The following PCDHA3 variants were observed in gnomAD, a reference collection of about 807,000 sequenced individuals.
The protein encoded by PCDHA3 is protocadherin alpha 3.
Under a neutral mutation model 62.2 loss-of-function variants are expected in PCDHA3, and 41 were observed. That is an observed-to-expected ratio of 0.66 (90% CI 0.51 to 0.86). The LOEUF (loss-of-function observed/expected upper bound fraction) is 0.86. Ranked by LOEUF, PCDHA3 falls within the 40% of genes least tolerant of loss-of-function variation. The pLI is 0.00. For missense variants in PCDHA3, 1,304 were observed against 1,241.2 expected (o/e 1.05, Z -0.76); for synonymous variants, 640 against 555.4 (o/e 1.15, Z -2.14).
chr5:140,856,342 C>T (rs1286159283), intron 1 of PCDHA3: 3 of 1,598,498 alleles, frequency 1.9e-6, no homozygotes, highest in Non-Finnish European at 2.6e-6. Context: ...GCGGGCGGAG[C>T]GTGGAGTGCA....
chr5:140,824,615 T>TTTTTTG (rs1554129953), intron 1 of PCDHA3: 19 of 126,072 alleles, frequency 1.5e-4, no homozygotes, highest in African/African-American at 6.6e-4. Context: ...TTAAAGTTTT[T>TTTTTTG]TTTTTTTTTT....
chr5:140,812,603 G>T (rs1554126021), intron 1 of PCDHA3: 2 of 151,592 alleles, frequency 1.3e-5, no homozygotes, highest in African/African-American at 4.9e-5. Context: ...TTTAGTGTAG[G>T]CATTTACAAC....
intron 1 of PCDHA3, chr5:140,828,044 C>A (rs2150150318): frequency 6.5e-7 from 1 of 1,542,076 alleles, no homozygotes; most frequent in Admixed American, 2.1e-5. Flanking sequence ...AGTATTTTAT[C>A]TTTATGCGGA....
chr5:140,829,793 C>A (rs1369213842), intron 1 of PCDHA3: 2 of 1,613,818 alleles, frequency 1.2e-6, no homozygotes, highest in African/African-American at 2.7e-5. Context: ...GCTGCTGGCG[C>A]CTCGGGTGGG....
At chr5:140,822,882 T>C (rs1554128937) in intron 1 of PCDHA3, 45 of 1,614,098 alleles carry the variant, frequency 2.8e-5, no homozygotes, top group Non-Finnish European at 3.7e-5. Context: ...CGGTCATTGC[T>C]CTGATCAGCG....
At chr5:140,980,584 C>T (rs1447001293) in intron 2 of PCDHA3, among the ~76,000 whole-genome samples, 3 of 151,934 alleles carry the variant, frequency 2.0e-5, no homozygotes, top group Non-Finnish European at 4.4e-5. Context: ...GAGCCAAGAT[C>T]GAGCCACTGC....
At chr5:140,829,908 G>A in intron 1 of PCDHA3, 1 of 1,614,014 alleles carries the variant, frequency 6.2e-7, no homozygotes, top group Non-Finnish European at 8.5e-7. Flanking sequence ...TACAACGCGT[G>A]GCTTTCGTAT....
At chr5:140,857,386 C>A in intron 1 of PCDHA3, 2 of 1,598,422 alleles carry the variant, frequency 1.3e-6, no homozygotes, top group Non-Finnish European at 1.7e-6. Flanking sequence ...AGGTGGCCGA[C>A]GTGAACGACA....
In PCDHA3 at chr5:140,855,924, G is replaced by A. The variant is rs990164410; in HGVS notation, c.2394+52333G>A. 3.2e-5 allele frequency: 40 copies of A among 1,236,784 alleles called. 2 individuals are homozygous for A. In the Admixed American group the frequency reaches 7.8e-4, roughly 24 times the overall value. 76.6% of individuals were successfully genotyped at this position (1,236,784 alleles called of 1,614,324 possible). A position where few individuals can be genotyped will look rare whatever the true frequency, so the allele number is the denominator to read the frequency against. On this transcript the variant is annotated intron_variant, in intron 1 of 3. Coordinates refer to ENST00000522353, the MANE Select transcript of PCDHA3 (RefSeq NM_018906.3). ...CCAGTTTCTCAAGGACTAGGAAGTA[G>A]CGTCATTCTGAGATCTCAGCCATTT...
intron 1 of PCDHA3, chr5:140,875,547 G>C (rs558501431): frequency 1.2e-6 from 2 of 1,614,152 alleles, no homozygotes; most frequent in Admixed American, 1.7e-5. Context: ...CAGCCTGGGA[G>C]GTGGGGAGCG....
At chr5:140,931,471 G>GA (rs1215090719) in intron 1 of PCDHA3, among the ~76,000 whole-genome samples, 9 of 151,796 alleles carry the variant, frequency 5.9e-5, no homozygotes, top group Non-Finnish European at 1.0e-4. Context: ...AATGACAGAG[G>GA]AAAAAACAAC....
At chr5:140,876,140 C>G in intron 1 of PCDHA3, 1 of 1,613,944 alleles carries the variant, frequency 6.2e-7, no homozygotes, top group Non-Finnish European at 8.5e-7. Context: ...CCAGAACTAA[C>G]AGGGTCTGTC....
At chr5:140,870,494 A>G (rs782779572) in intron 1 of PCDHA3, 1 of 1,614,236 alleles carries the variant, frequency 6.2e-7, no homozygotes, top group South Asian at 1.1e-5. Flanking sequence ...GTGTTCGTGA[A>G]GGAGAACAAC....
At chr5:140,995,924 G>A (rs998405229) in intron 3 of PCDHA3, among the ~76,000 whole-genome samples, 16 of 152,308 alleles carry the variant, frequency 1.1e-4, no homozygotes, top group African/African-American at 3.8e-4. Flanking sequence ...ATAGGCTGTT[G>A]TAAGTATTAA....
At chr5:140,870,505 C>T in intron 1 of PCDHA3, 1 of 1,614,220 alleles carries the variant, frequency 6.2e-7, no homozygotes, top group Non-Finnish European at 8.5e-7. Context: ...GGAGAACAAC[C>T]CACCAGGCTG....
chr5:140,834,714 G>A (rs2150224744), intron 1 of PCDHA3: 2 of 1,614,274 alleles, frequency 1.2e-6, no homozygotes, highest in Admixed American at 1.7e-5. Flanking sequence ...GGTGATCGTG[G>A]AAAGGCCGCT....
rs1763222115 is a variant in PCDHA3, at chr5:140,803,508, G to A, written c.2311G>A (p.Ala771Thr). The change falls in exon 1 of 4, where the codon GCT (alanine) becomes ACT (threonine). Residue 771 changes from alanine (A) to threonine (T), a missense_variant. Coordinates refer to ENST00000522353, the MANE Select transcript of PCDHA3 (RefSeq NM_018906.3). ...GGGGTTGCCCAAGACCGACCTCATG[G>A]CTTTTAGCCCTAGCCTTCCTCCTTG... Reference protein sequence around the residue: ...GEGLPKTDLMAFSPSLPPCPI... With the variant: ...GEGLPKTDLMTFSPSLPPCPI... 6.2e-7 allele frequency: 1 copy of A among 1,614,240 alleles called. No homozygotes were observed. Among genetic ancestry groups the A allele is most frequent in the Non-Finnish European group, 8.5e-7 (1 of 1,180,032 alleles).
chr5:140,883,676 C>T lies in PCDHA3; in HGVS notation c.2394+80085C>T, dbSNP rs986680593. 6.2e-6 allele frequency: 10 copies of T among 1,613,792 alleles called. No homozygotes were observed. In the Admixed American group the frequency reaches 1.0e-4, roughly 16 times the overall value. On this transcript the variant is annotated intron_variant, in intron 1 of 3. Transcript: ENST00000522353. Reference sequence around the variant, plus strand: ...GGTGTTCGTGAAGGAAAACAATCCGCCGGGCTGCCACATCTTCACGGTGTC... The same window carrying T: ...GGTGTTCGTGAAGGAAAACAATCCGTCGGGCTGCCACATCTTCACGGTGTC...
rs1005130215 is a variant in PCDHA3 at position 140,976,643 on chromosome 5, A to G, written c.2395-2306A>G. On this transcript the variant is annotated intron_variant, in intron 1 of 3. Coordinates refer to ENST00000522353, the MANE Select transcript of PCDHA3 (RefSeq NM_018906.3). ...AGCTGAACTCAGCAATCAGACAAGT[A>G]ATTTAATCTCTCCAAAGTTCAGATG... Among the ~76,000 whole-genome samples the G allele has an allele frequency of 2.0e-5, 3 of 152,236 alleles. No homozygotes were observed. In the South Asian group the frequency reaches 6.2e-4, roughly 31 times the overall value.
Sources: gnomAD v4.1 joint callset for allele counts (sites outside exome capture counted in the v4.1 genomes callset) on GRCh38, gnomAD v4.1.1 for gene constraint, MANE v1.5 for transcripts, NCBI Gene and HGNC (gene_info 2026-07-23, HGNC 2026-07-21) for gene names.